The following KLF7 variants were observed in gnomAD, a reference collection of about 807,000 sequenced individuals.
KLF7 encodes KLF transcription factor 7.
In KLF7, 2 loss-of-function variants were observed where a neutral mutation model predicts 27.3. The observed-to-expected ratio is 0.07, with a 90% confidence interval of 0.03 to 0.23. The LOEUF is 0.23. Ranked by LOEUF, KLF7 falls within the 10% of genes least tolerant of loss-of-function variation. The probability of loss-of-function intolerance (pLI) is 1.00; values close to 1 mark genes in which losing one functional copy is unlikely to be tolerated. For missense variants in KLF7, 221 were observed against 394.1 expected, an observed-to-expected ratio of 0.56 and a Z score of 3.72; for synonymous variants, 165 against 162.4, an observed-to-expected ratio of 1.02 and a Z score of -0.12.
At position 207,077,160 on chromosome 2, in the gene KLF7, C is replaced by T. The variant is rs1482645612; in HGVS notation, c.*4053G>A. On this transcript the variant is annotated 3_prime_UTR_variant, in exon 4 of 4. Coordinates refer to ENST00000309446, the MANE Select transcript of KLF7 (RefSeq NM_003709.4). ...AGGAAACCATTTTGAACCATCAAAACGAGTCACTGGGTTTTGTTCTTGCAA... is the reference window on the plus strand; with the variant it reads ...AGGAAACCATTTTGAACCATCAAAATGAGTCACTGGGTTTTGTTCTTGCAA... 2.6e-5 allele frequency: 4 copies of T among 152,140 alleles called. No individual in the cohort carries two copies. The highest frequency in any genetic ancestry group is 5.9e-5 in the Non-Finnish European group (4 of 68,024). 9.4% of individuals were successfully genotyped at this position (152,140 alleles called of 1,614,324 possible).
chr2:207,160,221 T>TC (rs1323898829), intron 1 of KLF7, among the ~76,000 whole-genome samples: 3 of 152,198 alleles, frequency 2.0e-5, no homozygotes, highest in Admixed American at 1.3e-4. Flanking sequence ...GTTAAAACAT[T>TC]CCGCCCCCCT....
chr2:207,145,151 T>A (rs950666188), intron 1 of KLF7, among the ~76,000 whole-genome samples: 1 of 152,252 alleles, frequency 6.6e-6, no homozygotes, highest in African/African-American at 2.4e-5. Context: ...CTTACATGTA[T>A]ACAGACTTTG....
chr2:207,081,346 C>A, intron 3 of KLF7, 82 bp from the exon 4 acceptor site: 1 of 1,218,014 alleles, frequency 8.2e-7, no homozygotes, highest in South Asian at 1.2e-5. Context: ...AATGATTTCC[C>A]TTACTTTAAA....
At chr2:207,129,173 G>A (rs1326118403) in intron 1 of KLF7, among the ~76,000 whole-genome samples, 5 of 152,168 alleles carry the variant, frequency 3.3e-5, no homozygotes, top group African/African-American at 7.2e-5. Context: ...TGTAAATTTG[G>A]ATAGAGAGTT....
rs971425792 is a variant in KLF7, at chr2:207,079,979, A to G, written c.*1234T>C. ...CATCCTCAGTTTTCCCCACTCCTGG[A>G]AAGAGTGATATTTTTGGCTTTTTGT... On this transcript the variant is annotated 3_prime_UTR_variant, in exon 4 of 4. Coordinates refer to ENST00000309446, the MANE Select transcript of KLF7 (RefSeq NM_003709.4). The G allele has an allele frequency of 3.9e-5, 6 of 152,230 alleles. No individual in the cohort carries two copies. In the East Asian group the frequency reaches 7.7e-4, roughly 20 times the overall value. 9.4% of individuals were successfully genotyped at this position (152,230 alleles called of 1,614,324 possible).
the KLF7 span, among the ~76,000 whole-genome samples, chr2:207,173,405 ATATGTG>A: frequency 1.3e-5 from 2 of 152,062 alleles, no homozygotes; most frequent in Non-Finnish European, 2.9e-5. Flanking sequence ...ATTTTAGTTA[ATATGTG>A]TGTTTTTTGT....
chr2:207,094,268 T>A (rs982586661), intron 2 of KLF7, among the ~76,000 whole-genome samples: 2 of 152,236 alleles, frequency 1.3e-5, no homozygotes, highest in African/African-American at 4.8e-5. Context: ...TCTGCAAAAT[T>A]TCAAATTCTT....
chr2:207,097,763 T>C (rs1006173777), intron 2 of KLF7, among the ~76,000 whole-genome samples: 5 of 152,266 alleles, frequency 3.3e-5, no homozygotes, highest in African/African-American at 1.2e-4. Flanking sequence ...AAAGAATTTT[T>C]GTAATGTGTA....
intron 2 of KLF7, among the ~76,000 whole-genome samples, chr2:207,114,034 T>C (rs561084068): frequency 1.1e-4 from 17 of 152,210 alleles, no homozygotes; most frequent in Non-Finnish European, 1.5e-4. Flanking sequence ...TTAAGTAGCC[T>C]ATGATACCTT....
intron 1 of KLF7, among the ~76,000 whole-genome samples, chr2:207,145,534 G>C (rs754646353): frequency 6.6e-6 from 1 of 152,182 alleles, no homozygotes; most frequent in Non-Finnish European, 1.5e-5. Context: ...CTCAATGTCT[G>C]TTCCATTTTA....
At chr2:207,168,525 A>G (rs1022385418), upstream of KLF7, among the ~76,000 whole-genome samples, 7 of 152,168 alleles carry the variant, frequency 4.6e-5, no homozygotes, top group African/African-American at 1.7e-4. Context: ...TGAGCTTTGT[A>G]TGGTGAAAAA....
upstream of KLF7, among the ~76,000 whole-genome samples, chr2:207,169,342 A>G (rs1368946710): frequency 6.6e-6 from 1 of 152,192 alleles, no homozygotes; most frequent in Admixed American, 6.5e-5. Context: ...GAATACACAC[A>G]TTAAAGGCAT....
At chr2:207,147,782 T>A (rs2078136364) in intron 1 of KLF7, among the ~76,000 whole-genome samples, 1 of 152,164 alleles carries the variant, frequency 6.6e-6, no homozygotes, top group Non-Finnish European at 1.5e-5. Context: ...GCGAAGCTCC[T>A]GTGTAACACG....
chr2:207,156,687 T>TA (rs1559168370), intron 1 of KLF7, among the ~76,000 whole-genome samples: 2 of 152,206 alleles, frequency 1.3e-5, no homozygotes, highest in African/African-American at 4.8e-5. Context: ...CAGACTGCCT[T>TA]AGACACTTTA....
chr2:207,089,259 G>T (rs2076457469), intron 2 of KLF7, among the ~76,000 whole-genome samples: 1 of 152,228 alleles, frequency 6.6e-6, no homozygotes, highest in Admixed American at 6.5e-5. Flanking sequence ...CTTAACAACT[G>T]CAGAGTGTTC....
At position 207,098,507 on chromosome 2, in the gene KLF7, C is replaced by T. The variant is rs1007308262; in HGVS notation, c.734-9926G>A. 3.3e-5 allele frequency among the ~76,000 whole-genome samples: 5 copies of T among 152,214 alleles called. No individual in the cohort carries two copies. In the South Asian group the frequency reaches 6.2e-4, roughly 19 times the overall value. On this transcript the variant is annotated intron_variant, in intron 2 of 3. Transcript: ENST00000309446. ...AAATAGAAATTTGATTATTAAAAAACGTCAATTTTAAACTCACCTTTGGTC... is the reference window on the plus strand; with the variant it reads ...AAATAGAAATTTGATTATTAAAAAATGTCAATTTTAAACTCACCTTTGGTC...
At chr2:207,163,182 G>T (rs1420405742) in intron 1 of KLF7, among the ~76,000 whole-genome samples, 1 of 152,222 alleles carries the variant, frequency 6.6e-6, no homozygotes, top group African/African-American at 2.4e-5. Flanking sequence ...ACGGAGTCCA[G>T]AACATAAAGC....
At chr2:207,139,837 G>C (rs889709646) in intron 1 of KLF7, among the ~76,000 whole-genome samples, 3 of 152,186 alleles carry the variant, frequency 2.0e-5, no homozygotes, top group Non-Finnish European at 2.9e-5. Flanking sequence ...ATCAAGTGTA[G>C]TCATTGAGAG....
At chr2:207,145,893 G>A (rs1470615272) in intron 1 of KLF7, among the ~76,000 whole-genome samples, 1 of 152,170 alleles carries the variant, frequency 6.6e-6, no homozygotes, top group African/African-American at 2.4e-5. Context: ...GAAGGGTGGA[G>A]AAATTAAGTG....
Sources: allele counts gnomAD v4.1 joint callset (sites outside exome capture counted in the v4.1 genomes callset), GRCh38; gene constraint gnomAD v4.1.1; transcripts MANE v1.5; gene names NCBI Gene and HGNC (gene_info 2026-07-23, HGNC 2026-07-21).